Variants in SULT1B1 observed in about 807,000 individuals in gnomAD.
SULT1B1 encodes sulfotransferase family 1B member 1, also known as sulfotransferase 1B1.
Under a neutral mutation model 34.6 loss-of-function variants are expected in SULT1B1, and 28 were observed. That is an observed-to-expected ratio of 0.81 (90% CI 0.60 to 1.11). SULT1B1 has a LOEUF of 1.11. Ranked by LOEUF, SULT1B1 falls within the 50% of genes least tolerant of loss-of-function variation. The pLI is 0.00. For synonymous variants in SULT1B1, 147 were observed against 110.2 expected, an observed-to-expected ratio of 1.33 and a Z score of -2.09; for missense variants, 374 against 352.2, an observed-to-expected ratio of 1.06 and a Z score of -0.50.
intron 7 of SULT1B1, 100 bp from the exon 8 acceptor site, chr4:69,727,300 T>G: frequency 9.2e-5 from 61 of 661,852 alleles, no homozygotes; most frequent in Middle Eastern, 3.5e-4. Context: ...AAGAAAGACC[T>G]TCCTTTTATT....
At chr4:69,754,189 T>A (rs765109737) in intron 3 of SULT1B1, among the ~76,000 whole-genome samples, 1 of 152,240 alleles carries the variant, frequency 6.6e-6, no homozygotes, top group Non-Finnish European at 1.5e-5. Flanking sequence ...AATATTGCTG[T>A]AAGCTCCCTG....
At chr4:69,734,356 G>A in intron 4 of SULT1B1, 92 bp from the exon 5 acceptor site, 1 of 1,390,702 alleles carries the variant, frequency 7.2e-7, no homozygotes, top group Non-Finnish European at 9.6e-7. Context: ...AAAAAGCAGA[G>A]TACTTTTTCA....
rs562575293 is a variant in SULT1B1 at position 69,759,475 on chromosome 4, G to A, written c.-45+984C>T. The stretch of plus-strand genomic sequence containing the variant: ...TTGCCGGAGAAGGATGGAATGAGTA[G>A]GAAGATGAAAATAAGGCAGCTGTTT... On this transcript the variant is annotated intron_variant, in intron 1 of 7. Transcript: ENST00000310613. Among the ~76,000 whole-genome samples the A allele has an allele frequency of 4.7e-4, 72 of 152,282 alleles. 1 individual carries two copies. The highest frequency in any genetic ancestry group is 1.6e-3 in the African/African-American group (66 of 41,546).
intron 4 of SULT1B1, among the ~76,000 whole-genome samples, chr4:69,748,097 G>C (rs1718826587): frequency 6.6e-6 from 1 of 152,092 alleles, no homozygotes; most frequent in South Asian, 2.1e-4. Context: ...AATTGGCAGA[G>C]TGTATGAAAA....
chr4:69,760,107 G>A, intron 1 of SULT1B1: 1 of 238,762 alleles, frequency 4.2e-6, no homozygotes, highest in Non-Finnish European at 6.8e-6. Flanking sequence ...GTGTGTGTAT[G>A]TGCATATGTG....
rs1717702766 is a variant in SULT1B1, at chr4:69,722,998, T to A, written c.*4090A>T. 1 of 151,732 alleles carries A rather than the reference T, an allele frequency of 6.6e-6. No homozygotes were observed. The highest frequency in any genetic ancestry group is 2.1e-4 in the South Asian group (1 of 4,810). The allele number at this position is 151,732 out of a possible 1,614,324, so 9.4% of individuals were successfully genotyped here. ...ACATGGGGATATAAACAACTACTTC[T>A]AATGCCAAGCTGGAGTTAAGATCAG... is the stretch of plus-strand genomic sequence containing the variant. On this transcript the variant is annotated 3_prime_UTR_variant, in exon 8 of 8. Coordinates refer to ENST00000310613, the MANE Select transcript of SULT1B1 (RefSeq NM_014465.4).
chr4:69,733,629 G>A, intron 5 of SULT1B1, 122 bp from the exon 6 acceptor site: 1 of 666,274 alleles, frequency 1.5e-6, no homozygotes, highest in Non-Finnish European at 2.4e-6. Flanking sequence ...AGAATATGAG[G>A]ACAATCTTAA....
intron 1 of SULT1B1, among the ~76,000 whole-genome samples, chr4:69,757,866 C>A (rs1354960128): frequency 6.6e-6 from 1 of 151,976 alleles, no homozygotes; most frequent in African/African-American, 2.4e-5. Context: ...TTGCAGGCCT[C>A]AAAAACCTGA....
At chr4:69,757,611 G>C (rs1452328359) in intron 1 of SULT1B1, among the ~76,000 whole-genome samples, 1 of 152,030 alleles carries the variant, frequency 6.6e-6, no homozygotes, top group Non-Finnish European at 1.5e-5. Context: ...AAATCTAGGA[G>C]GGAGAAATTT....
intron 4 of SULT1B1, among the ~76,000 whole-genome samples, chr4:69,737,638 C>T (rs1412731581): frequency 6.6e-6 from 1 of 151,914 alleles, no homozygotes; most frequent in Non-Finnish European, 1.5e-5. Context: ...ATGTTGACAC[C>T]ATTAGACTGT....
chr4:69,729,500 C>T (rs1038580489), intron 7 of SULT1B1, among the ~76,000 whole-genome samples: 9 of 152,066 alleles, frequency 5.9e-5, no homozygotes, highest in Non-Finnish European at 1.3e-4. Flanking sequence ...ACTTATAATG[C>T]ATACAATTTT....
chr4:69,730,642 C>A lies in SULT1B1; in HGVS notation c.637G>T (p.Glu213Ter). The A allele has an allele frequency of 6.2e-7, 1 of 1,612,892 alleles. No individual in the cohort carries two copies. The highest frequency in any genetic ancestry group is 1.7e-4 in the Middle Eastern group (1 of 5,874). Residue 213 changes from glutamate to a stop codon, truncating the protein, a stop_gained, in exon 7 of 8, where the codon GAG becomes TAG. Transcript: ENST00000310613. LOFTEE classifies it high-confidence loss of function. ...AAGATCTCATCATTCAGGTTCTTCT[C>A]TAGAAATCTAATGATCTTCTTGATT... The part of the protein sequence containing the change: ...EEIKKIIRFL[E>*]KNLNDEILDR...
chr4:69,748,941 T>G (rs1401488304), intron 4 of SULT1B1, among the ~76,000 whole-genome samples: 1 of 151,906 alleles, frequency 6.6e-6, no homozygotes, highest in Non-Finnish European at 1.5e-5. Flanking sequence ...AGTTCCTACT[T>G]AAAGAGATTA....
Position 69,758,322 on chromosome 4 carries a change from TTGAGAATAG to T in SULT1B1, c.-45+2128_-45+2136del. 4 of 985,408 alleles carry T rather than the reference TTGAGAATAG, an allele frequency of 4.1e-6. No individual in the cohort carries two copies. In the South Asian group the frequency reaches 1.9e-4, roughly 46 times the overall value. 61.0% of individuals were successfully genotyped at this position (985,408 alleles called of 1,614,324 possible). A position where few individuals can be genotyped will look rare whatever the true frequency, so the allele number is the denominator to read the frequency against. On this transcript the variant is annotated intron_variant, in intron 1 of 7. Coordinates refer to ENST00000310613, the MANE Select transcript of SULT1B1 (RefSeq NM_014465.4). ...TTCTCACCCAGAATCTTTTGATATC[TTGAGAATAG>T]TGCCCCTTCTCAGTTTGGATATAAA...
intron 4 of SULT1B1, among the ~76,000 whole-genome samples, chr4:69,736,409 C>A (rs763026316): frequency 2.6e-5 from 4 of 152,100 alleles, no homozygotes; most frequent in Non-Finnish European, 5.9e-5. Context: ...CTCCAGGCTG[C>A]ACAGTTGGTG....
In SULT1B1 at chr4:69,723,084, C is replaced by G. The variant is rs575221134; in HGVS notation, c.*4004G>C. 5.9e-5 allele frequency: 9 copies of G among 152,050 alleles called. No individual in the cohort carries two copies. Among genetic ancestry groups the G allele is most frequent in the African/African-American group, 1.9e-4 (8 of 41,478 alleles). The allele number at this position is 152,050 out of a possible 1,614,324, so 9.4% of individuals were successfully genotyped here. A position where few individuals can be genotyped will look rare whatever the true frequency, so the allele number is the denominator to read the frequency against. The stretch of plus-strand genomic sequence containing the variant: ...TTCAAAAAATCAGTGAATTCAGGAG[C>G]TGGTTTTTCGAAAAGATCAACAAAA... On this transcript the variant is annotated 3_prime_UTR_variant, in exon 8 of 8. Coordinates refer to ENST00000310613, the MANE Select transcript of SULT1B1 (RefSeq NM_014465.4).
intron 3 of SULT1B1, 93 bp from the exon 4 acceptor site, chr4:69,749,911 A>G (rs1718913565): frequency 2.3e-6 from 2 of 872,940 alleles, no homozygotes; most frequent in East Asian, 2.5e-5. Flanking sequence ...GACATTTTTG[A>G]GCATTATGTA....
intron 4 of SULT1B1, among the ~76,000 whole-genome samples, chr4:69,748,963 G>A (rs1370906007): frequency 1.3e-5 from 2 of 151,702 alleles, no homozygotes; most frequent in Non-Finnish European, 2.9e-5. Context: ...AAAAAGAAGA[G>A]TAAAATAAAT....
At chr4:69,747,617 T>C (rs1046853444) in intron 4 of SULT1B1, among the ~76,000 whole-genome samples, 1 of 152,208 alleles carries the variant, frequency 6.6e-6, no homozygotes, top group East Asian at 1.9e-4. Context: ...TATGGCCATG[T>C]TCCACTGCAG....
Sources: gnomAD v4.1 joint callset for allele counts (sites outside exome capture counted in the v4.1 genomes callset) on GRCh38, gnomAD v4.1.1 for gene constraint, MANE v1.5 for transcripts, NCBI Gene and HGNC (gene_info 2026-07-23, HGNC 2026-07-21) for gene names.